CSMD2: variants seen among roughly 807,000 people sequenced by gnomAD.
CSMD2 encodes CUB and sushi domain-containing protein 2.
Under a neutral mutation model 398.5 loss-of-function variants are expected in CSMD2, and 130 were observed. The observed-to-expected ratio is 0.33, with a 90% confidence interval of 0.28 to 0.38. The LOEUF is 0.38. CSMD2 is among the 10% of genes least tolerant of loss of function. CSMD2 has a pLI of 1.00. For missense variants in CSMD2, 3,829 were observed against 4,764.9 expected, an observed-to-expected ratio of 0.80 and a Z score of 5.78; for synonymous variants, 1,828 against 1,908.5, an observed-to-expected ratio of 0.96 and a Z score of 1.10.
At chr1:33,984,398 A>AG (rs1646277385) in intron 3 of CSMD2, among the ~76,000 whole-genome samples, 1 of 152,204 alleles carries the variant, frequency 6.6e-6, no homozygotes, top group South Asian at 2.1e-4. Flanking sequence ...ACAAGCTCTC[A>AG]GGGGGTGCCC....
At chr1:33,561,137 T>G (rs1658504727) in intron 53 of CSMD2, among the ~76,000 whole-genome samples, 1 of 152,190 alleles carries the variant, frequency 6.6e-6, no homozygotes, top group South Asian at 2.1e-4. Context: ...GACGGGGGTG[T>G]AAGAAGAGGA....
intron 4 of CSMD2, among the ~76,000 whole-genome samples, chr1:33,921,038 G>A (rs1570509791): frequency 2.6e-5 from 4 of 152,306 alleles, no homozygotes; most frequent in African/African-American, 7.2e-5. Flanking sequence ...CGTCTGAACT[G>A]AAAGGGACAT....
chr1:33,943,622 G>A (rs1057241786), intron 3 of CSMD2, among the ~76,000 whole-genome samples: 1 of 152,114 alleles, frequency 6.6e-6, no homozygotes, highest in Non-Finnish European at 1.5e-5. Flanking sequence ...AAGGAGTTAC[G>A]TGGGGGTTTC....
chr1:33,716,442 T>A lies in CSMD2; in HGVS notation c.3061A>T (p.Thr1021Ser). 2.5e-6 allele frequency: 4 copies of A among 1,613,746 alleles called. No homozygotes were observed. The highest frequency in any genetic ancestry group is 3.4e-6 in the Non-Finnish European group (4 of 1,179,978). The change falls in exon 20 of 71, where the codon ACT becomes TCT. Residue 1021 changes from threonine to serine, a missense_variant. This residue lies in a region of CSMD2 where 2,001 missense variants were observed against 2,567.1 expected (regional missense o/e 0.78). Transcript: ENST00000373381. ...GGCTGGGTGAAGCTGCCGTTCTCAG[T>A]GATGAGGAGGTAGTCATGGCCACTT... Reference protein sequence around the residue: ...LESGHDYLLITENGSFTQPLR... With the variant: ...LESGHDYLLISENGSFTQPLR...
At chr1:33,880,684 T>G (rs1392819794) in intron 5 of CSMD2, among the ~76,000 whole-genome samples, 1 of 152,200 alleles carries the variant, frequency 6.6e-6, no homozygotes, top group Non-Finnish European at 1.5e-5. Context: ...CAGGATTTAT[T>G]TCAAAGGCAT....
At chr1:34,095,834 A>G (rs1659230235) in intron 1 of CSMD2, among the ~76,000 whole-genome samples, 1 of 151,596 alleles carries the variant, frequency 6.6e-6, no homozygotes, top group Non-Finnish European at 1.5e-5. Flanking sequence ...CAGAGGTACA[A>G]GGAGGAACTG....
intron 12 of CSMD2, among the ~76,000 whole-genome samples, chr1:33,784,247 G>C (rs1243020895): frequency 6.6e-6 from 1 of 152,180 alleles, no homozygotes; most frequent in African/African-American, 2.4e-5. Context: ...GAGGAGCTGT[G>C]AAGGAGCAGC....
chr1:34,117,125 C>G (rs916493635), intron 1 of CSMD2, among the ~76,000 whole-genome samples: 1 of 151,398 alleles, frequency 6.6e-6, no homozygotes, highest in Non-Finnish European at 1.5e-5. Context: ...TCAAAAGGAA[C>G]AAAATCATAA....
intron 55 of CSMD2, 142 bp downstream of exon 55, chr1:33,557,592 C>T (rs1015362746): frequency 3.8e-6 from 3 of 795,976 alleles, no homozygotes; most frequent in Non-Finnish European, 5.9e-6. Flanking sequence ...GTGACTGTCA[C>T]CATAAGGCAA....
At chr1:33,787,520 AG>A (rs1179810149) in intron 12 of CSMD2, among the ~76,000 whole-genome samples, 1 of 152,154 alleles carries the variant, frequency 6.6e-6, no homozygotes, top group African/African-American at 2.4e-5. Flanking sequence ...GTTCCTGAAA[AG>A]ATGTCTGCTC....
At chr1:33,803,836 A>G (rs1487196799) in intron 10 of CSMD2, among the ~76,000 whole-genome samples, 1 of 152,178 alleles carries the variant, frequency 6.6e-6, no homozygotes, top group Non-Finnish European at 1.5e-5. Flanking sequence ...TCTTCCTGCT[A>G]TTGCTTTAGT....
At chr1:33,654,291 G>C (rs1557681587) in intron 27 of CSMD2, among the ~76,000 whole-genome samples, 1 of 152,136 alleles carries the variant, frequency 6.6e-6, no homozygotes, top group African/African-American at 2.4e-5. Context: ...TATTCTTCCT[G>C]ATTTATAAAG....
At chr1:34,089,834 T>A (rs928631013) in intron 1 of CSMD2, among the ~76,000 whole-genome samples, 1 of 152,184 alleles carries the variant, frequency 6.6e-6, no homozygotes, top group Non-Finnish European at 1.5e-5. Flanking sequence ...CTTCTCATTT[T>A]AAATGTGCTC....
chr1:33,766,846 C>T (rs1471598481), intron 13 of CSMD2, among the ~76,000 whole-genome samples: 1 of 152,212 alleles, frequency 6.6e-6, no homozygotes, highest in Non-Finnish European at 1.5e-5. Context: ...TGCCATGTTT[C>T]TGGATGGAAA....
At chr1:34,124,981 A>G (rs1194586125) in intron 1 of CSMD2, among the ~76,000 whole-genome samples, 1 of 152,206 alleles carries the variant, frequency 6.6e-6, no homozygotes, top group Non-Finnish European at 1.5e-5. Flanking sequence ...GTAAACACTC[A>G]GGGAGTCTTA....
At chr1:34,045,796 T>C (rs1652454776) in intron 2 of CSMD2, among the ~76,000 whole-genome samples, 1 of 152,228 alleles carries the variant, frequency 6.6e-6, no homozygotes, top group African/African-American at 2.4e-5. Context: ...GTGTTTCCCA[T>C]TGGACTGCAG....
intron 5 of CSMD2, among the ~76,000 whole-genome samples, chr1:33,891,967 T>C (rs929303503): frequency 6.7e-6 from 1 of 149,400 alleles, no homozygotes; most frequent in African/African-American, 2.5e-5. Context: ...AGTTAATGGG[T>C]GCAGCACACT....
chr1:33,862,413 T>C (rs1457162044), intron 5 of CSMD2: 1 of 119,122 alleles, frequency 8.4e-6, no homozygotes, highest in Non-Finnish European at 1.8e-5. Flanking sequence ...CTGAGCAGAG[T>C]CTGATGAATA....
At chr1:33,986,535 C>G (rs1646365192) in intron 3 of CSMD2, among the ~76,000 whole-genome samples, 1 of 152,196 alleles carries the variant, frequency 6.6e-6, no homozygotes, top group Admixed American at 6.5e-5. Flanking sequence ...CCTGCTTGTT[C>G]TCAGTGCCCT....
Sources: allele counts gnomAD v4.1 joint callset (sites outside exome capture counted in the v4.1 genomes callset), GRCh38; gene constraint gnomAD v4.1.1; regional missense constraint gnomAD v4.1.1; transcripts MANE v1.5; gene names NCBI Gene and HGNC (gene_info 2026-07-23, HGNC 2026-07-21).